Variants in SLC25A25 observed in about 807,000 individuals in gnomAD.
SLC25A25 encodes solute carrier family 25 member 25.
Under a neutral mutation model 57.7 loss-of-function variants are expected in SLC25A25, and 32 were observed. The ratio of observed to expected loss-of-function variants is 0.55; its 90% CI spans 0.42 to 0.74. The LOEUF (loss-of-function observed/expected upper bound fraction) is 0.74, where lower values mean the gene tolerates loss of function less well. Ranked by LOEUF, SLC25A25 falls within the 30% of genes least tolerant of loss-of-function variation. The pLI is 0.00. For synonymous variants in SLC25A25, 306 were observed against 291.2 expected, an observed-to-expected ratio of 1.05 and a Z score of -0.52; for missense variants, 556 against 701.3, an observed-to-expected ratio of 0.79 and a Z score of 2.34.
chr9:128,075,135 T>TCAACAACAA (rs10637931), intron 1 of SLC25A25, among the ~76,000 whole-genome samples: 2 of 151,240 alleles, frequency 1.3e-5, no homozygotes, highest in Admixed American at 6.6e-5. Flanking sequence ...AGATTCCATC[T>TCAACAACAA]CAACAACAAC....
chr9:128,071,456 GGAGTGCAATGGAATGATCTCA>G (rs1327409238), intron 1 of SLC25A25, among the ~76,000 whole-genome samples: 1 of 152,094 alleles, frequency 6.6e-6, no homozygotes, highest in African/African-American at 2.4e-5. Flanking sequence ...TGCCCAAGCA[GGAGTGCAATGGAATGATCTCA>G]GCTCACTGCA....
chr9:128,080,809 A>G (rs1192285414), intron 1 of SLC25A25, among the ~76,000 whole-genome samples: 1 of 152,126 alleles, frequency 6.6e-6, no homozygotes, highest in Non-Finnish European at 1.5e-5. Flanking sequence ...AATCCATATA[A>G]TGTTAGAACT....
intron 1 of SLC25A25, among the ~76,000 whole-genome samples, chr9:128,092,418 A>G (rs1227083053): frequency 6.6e-6 from 1 of 152,190 alleles, no homozygotes; most frequent in Non-Finnish European, 1.5e-5. Flanking sequence ...AGCTTATCCG[A>G]ACAGCTCAGG....
At chr9:128,086,580 G>A (rs557842800) in intron 1 of SLC25A25, among the ~76,000 whole-genome samples, 1 of 152,110 alleles carries the variant, frequency 6.6e-6, no homozygotes, top group African/African-American at 2.4e-5. Context: ...TGATCCACCC[G>A]CCTCGGCCTC....
At chr9:128,087,155 C>G (rs1833295363) in intron 1 of SLC25A25, among the ~76,000 whole-genome samples, 2 of 149,898 alleles carry the variant, frequency 1.3e-5, no homozygotes, top group Admixed American at 1.3e-4. Context: ...GCAGAGGTTA[C>G]AGTGAGCTGG....
rs189755824 is a variant in SLC25A25, at chr9:128,102,672, T to C, written c.624+191T>C. The stretch of plus-strand genomic sequence containing the variant: ...CCATGTTCTGGCACTCCAGCCAACC[T>C]GAACAGCCCCATCGTTCACACACAC... On this transcript the variant is annotated intron_variant, in intron 5 of 10. Coordinates refer to ENST00000373069, the MANE Select transcript of SLC25A25 (RefSeq NM_001330988.2). This position sits in a 1 kb window ranked among gnomAD's most constrained non-coding sequence, Gnocchi z 4.1. Among the ~76,000 whole-genome samples the C allele has an allele frequency of 2.2e-4, 33 of 152,312 alleles. 1 individual carries two copies. The East Asian group carries it at 4.6e-3, about 21-fold the overall frequency.
chr9:128,093,469 T>C (rs1833469269), intron 1 of SLC25A25, among the ~76,000 whole-genome samples: 1 of 152,200 alleles, frequency 6.6e-6, no homozygotes, highest in Non-Finnish European at 1.5e-5. Flanking sequence ...AGTACCCCCT[T>C]GCCAGCTCTC....
chr9:128,100,523 C>T (rs1049820523), intron 1 of SLC25A25, among the ~76,000 whole-genome samples: 3 of 152,192 alleles, frequency 2.0e-5, no homozygotes, highest in Non-Finnish European at 4.4e-5. Context: ...CTTACACTTC[C>T]CCGGCCTCGG....
intron 1 of SLC25A25, among the ~76,000 whole-genome samples, chr9:128,073,598 C>T (rs1271332515): frequency 2.0e-5 from 3 of 152,116 alleles, no homozygotes; most frequent in African/African-American, 4.8e-5. Flanking sequence ...AGACATTATT[C>T]GCTATAATAT....
intron 1 of SLC25A25, among the ~76,000 whole-genome samples, chr9:128,073,053 T>C (rs1175606186): frequency 3.3e-5 from 5 of 152,138 alleles, no homozygotes; most frequent in African/African-American, 1.2e-4. Flanking sequence ...AAAAATTTGT[T>C]AAGTAAGCAA....
intron 1 of SLC25A25, among the ~76,000 whole-genome samples, chr9:128,092,463 C>T (rs1001058949): frequency 4.6e-5 from 7 of 152,234 alleles, no homozygotes; most frequent in South Asian, 2.1e-4. Flanking sequence ...GAGTGTGCCT[C>T]GACCGTGGAA....
chr9:128,071,846 G>A (rs888062852), intron 1 of SLC25A25, among the ~76,000 whole-genome samples: 2 of 151,474 alleles, frequency 1.3e-5, no homozygotes, highest in African/African-American at 4.9e-5. Context: ...TGAGTAGCTG[G>A]GATTACAGGC....
chr9:128,084,599 AAT>A lies in SLC25A25; in HGVS notation c.261+16020_261+16021del, dbSNP rs975850678. Among the ~76,000 whole-genome samples, 7 of 63,048 alleles carry A rather than the reference AAT, an allele frequency of 1.1e-4. No homozygotes were observed. In the East Asian group the frequency reaches 1.7e-3, roughly 16 times the overall value. 41.4% of individuals were successfully genotyped at this position (63,048 alleles called of 152,430 possible). A position where few individuals can be genotyped will look rare whatever the true frequency, so the allele number is the denominator to read the frequency against. On this transcript the variant is annotated intron_variant, in intron 1 of 10. Coordinates refer to ENST00000373069, the MANE Select transcript of SLC25A25 (RefSeq NM_001330988.2). ...TTGTCCCACCTTACCGGGCTGAACC[AAT>A]GTGTACACCTTACATGTATTGACTG...
intron 1 of SLC25A25, among the ~76,000 whole-genome samples, chr9:128,086,265 A>C (rs1378823207): frequency 1.3e-5 from 2 of 151,020 alleles, no homozygotes; most frequent in Non-Finnish European, 2.9e-5. Context: ...GGGCTCAAGC[A>C]ATCCTCCTGC....
At position 128,068,450 on chromosome 9, in the gene SLC25A25, C is replaced by G; in HGVS notation, c.131C>G (p.Pro44Arg). ...DPCGGAICGG[P>R]DHRLRLWRLF... is the part of the protein sequence containing the mutation. ...TGCGGCGGCGCTATCTGCGGGGGCC[C>G]GGACCACCGGCTGCGCCTGTGGAGA... is the stretch of plus-strand genomic sequence containing the variant. The change falls in exon 1 of 11, where the codon CCG becomes CGG. Residue 44 changes from proline (P) to arginine (R), a missense_variant. Physicochemically the swap from Pro to Arg is moderately radical, Grantham distance 103 (BLOSUM62 -2). Around this residue, in one of 3 missense-constraint regions of SLC25A25, gnomAD observed 248 missense variants for 273.5 expected, o/e 0.91. Coordinates refer to ENST00000373069, the MANE Select transcript of SLC25A25 (RefSeq NM_001330988.2). 6.4e-7 allele frequency: 1 copy of G among 1,555,858 alleles called. No homozygotes were observed. The highest frequency in any genetic ancestry group is 8.6e-7 in the Non-Finnish European group (1 of 1,161,740).
Position 128,107,245 on chromosome 9 carries a change from G to T in SLC25A25, c.1364-15G>T. 6.2e-7 allele frequency: 1 copy of T among 1,609,384 alleles called. No individual in the cohort carries two copies. The highest frequency in any genetic ancestry group is 8.5e-7 in the Non-Finnish European group (1 of 1,176,924). Reference sequence around the variant, plus strand: ...AGCGGACAGAAGCATCTGACTGGTGGCCTCCATCCTGCAGCCTCTATTGAG... The same window carrying T: ...AGCGGACAGAAGCATCTGACTGGTGTCCTCCATCCTGCAGCCTCTATTGAG... On this transcript the variant is annotated splice_polypyrimidine_tract_variant and intron_variant, in intron 10 of 10. Transcript: ENST00000373069.
chr9:128,068,304 C>T lies in SLC25A25; in HGVS notation c.-16C>T, dbSNP rs111769589. 94 of 1,361,128 alleles carry T rather than the reference C, an allele frequency of 6.9e-5. No individual in the cohort carries two copies. In the Middle Eastern group the frequency reaches 1.3e-3, roughly 19 times the overall value. 84.3% of individuals were successfully genotyped at this position (1,361,128 alleles called of 1,614,324 possible). A position where few individuals can be genotyped will look rare whatever the true frequency, so the allele number is the denominator to read the frequency against. On this transcript the variant is annotated 5_prime_UTR_variant, in exon 1 of 11. Transcript: ENST00000373069. The stretch of plus-strand genomic sequence containing the variant: ...CCCCGCTCCCGCCCGCGCCCGGAGC[C>T]CCTGCCTCGCGCCCGATGGTGAGCA...
chr9:128,089,294 A>T (rs10987871), intron 1 of SLC25A25, among the ~76,000 whole-genome samples: 1 of 152,038 alleles, frequency 6.6e-6, no homozygotes, highest in African/African-American at 2.4e-5. Flanking sequence ...AGATAATAAT[A>T]ATAAAATAGC....
chr9:128,092,047 C>T, intron 1 of SLC25A25: 1 of 1,613,978 alleles, frequency 6.2e-7, no homozygotes, highest in African/African-American at 1.3e-5. Context: ...AAAAAAGACC[C>T]ACCATTTTGC....
Sources: allele counts gnomAD v4.1 joint callset (sites outside exome capture counted in the v4.1 genomes callset), GRCh38; gene constraint gnomAD v4.1.1; regional missense constraint gnomAD v4.1.1; non-coding constraint Gnocchi (gnomAD v3.1); transcripts MANE v1.5; gene names NCBI Gene and HGNC (gene_info 2026-07-23, HGNC 2026-07-21).